The following RASA1 variants were observed in gnomAD, a reference collection of about 807,000 sequenced individuals.
The protein encoded by RASA1 is RAS p21 protein activator 1.
Under a neutral mutation model 132.2 loss-of-function variants are expected in RASA1, and 25 were observed. The observed-to-expected ratio is 0.19, with a 90% CI of 0.14 to 0.26. RASA1 has a LOEUF of 0.26. Among genes scored for constraint, RASA1 ranks in the 10% least tolerant of loss-of-function variants. RASA1 has a pLI of 1.00. For missense variants in RASA1, 964 were observed against 1,299.2 expected (o/e 0.74, Z 3.97); for synonymous variants, 477 against 449.9 (o/e 1.06, Z -0.76).
intron 1 of RASA1, among the ~76,000 whole-genome samples, chr5:87,291,761 C>T (rs1432217782): frequency 6.6e-6 from 1 of 152,156 alleles, no homozygotes; most frequent in African/African-American, 2.4e-5. Context: ...TCCCGCTTTG[C>T]CTTCCACCAT....
chr5:87,333,391 G>A (rs1398102385), intron 4 of RASA1, 54 bp downstream of exon 4: 5 of 1,601,848 alleles, frequency 3.1e-6, no homozygotes, highest in Non-Finnish European at 4.3e-6. Flanking sequence ...AGACTTCGAA[G>A]ATTTATTACT....
chr5:87,342,465 T>TAAA (rs1758542701), intron 6 of RASA1, among the ~76,000 whole-genome samples: 1 of 152,166 alleles, frequency 6.6e-6, no homozygotes, highest in Non-Finnish European at 1.5e-5. Flanking sequence ...AGCTAGGAGT[T>TAAA]GCAAATTCTA....
intron 10 of RASA1, among the ~76,000 whole-genome samples, chr5:87,363,037 G>A (rs368686106): frequency 6.6e-6 from 1 of 151,632 alleles, no homozygotes; most frequent in African/African-American, 2.4e-5. Context: ...TAAAGTGGAA[G>A]AATTTTTTCC....
intron 1 of RASA1, among the ~76,000 whole-genome samples, chr5:87,273,992 G>A (rs575125532): frequency 6.6e-6 from 1 of 152,020 alleles, no homozygotes; most frequent in Non-Finnish European, 1.5e-5. Context: ...GCCACCTCGC[G>A]GCCAATAGGA....
intron 20 of RASA1, 35 bp from the exon 21 acceptor site, chr5:87,383,678 T>TAAA (rs368117332): frequency 1.2e-4 from 157 of 1,318,918 alleles, no homozygotes; most frequent in Non-Finnish European, 1.5e-4. Context: ...AGGTGTTTTC[T>TAAA]AAAAAAAAAA....
intron 4 of RASA1, among the ~76,000 whole-genome samples, chr5:87,336,847 T>C (rs968259702): frequency 6.6e-6 from 1 of 152,074 alleles, no homozygotes; most frequent in Admixed American, 6.5e-5. Context: ...TGGCCATCAT[T>C]AAGAAGGATT....
In RASA1 at chr5:87,384,817, CAAAAT is replaced by C. The variant is rs1451728648; in HGVS notation, c.2759-480_2759-476del. ...TTATTAAATTTCATGTTTTTCTCCT[CAAAAT>C]AAAGCAGAGGTCCTAGACTTTATCT... On this transcript the variant is annotated intron_variant, in intron 21 of 24. Coordinates refer to ENST00000274376, the MANE Select transcript of RASA1 (RefSeq NM_002890.3). 2.0e-5 allele frequency among the ~76,000 whole-genome samples: 3 copies of C among 152,050 alleles called. No individual in the cohort carries two copies. In the East Asian group the frequency reaches 5.8e-4, roughly 29 times the overall value.
chr5:87,323,134 A>T (rs767877514), intron 1 of RASA1, among the ~76,000 whole-genome samples: 7 of 152,224 alleles, frequency 4.6e-5, no homozygotes, highest in African/African-American at 4.8e-5. Flanking sequence ...GAATAAATAC[A>T]GAAATGGAAA....
intron 1 of RASA1, among the ~76,000 whole-genome samples, chr5:87,314,215 A>G (rs1037720977): frequency 3.3e-5 from 5 of 152,144 alleles, no homozygotes; most frequent in African/African-American, 7.2e-5. Context: ...AAGAAAGTGC[A>G]TGTTTGGTTT....
intron 1 of RASA1, among the ~76,000 whole-genome samples, chr5:87,322,356 C>T (rs755226371): frequency 1.3e-5 from 2 of 152,158 alleles, no homozygotes; most frequent in African/African-American, 2.4e-5. Context: ...GAACTCCTCA[C>T]GTGAGGGATA....
intron 1 of RASA1, among the ~76,000 whole-genome samples, chr5:87,270,809 A>G (rs746558258): frequency 6.6e-6 from 1 of 152,000 alleles, no homozygotes. Context: ...AAAGTTAGTC[A>G]TATTTATGCC....
chr5:87,344,585 C>T (rs1388993267), intron 6 of RASA1, among the ~76,000 whole-genome samples: 1 of 152,022 alleles, frequency 6.6e-6, no homozygotes, highest in Non-Finnish European at 1.5e-5. Flanking sequence ...TCATAGTTCA[C>T]CTCAAACTCC....
intron 17 of RASA1, 101 bp from the exon 18 acceptor site, chr5:87,378,294 GT>G (rs1761460224): frequency 7.4e-7 from 1 of 1,357,362 alleles, no homozygotes. Flanking sequence ...GCACATTTAA[GT>G]GGCTATTCCT....
intron 4 of RASA1, among the ~76,000 whole-genome samples, chr5:87,335,987 T>G (rs1052321831): frequency 2.6e-5 from 4 of 152,156 alleles, no homozygotes; most frequent in African/African-American, 9.7e-5. Flanking sequence ...TCATAGAATA[T>G]CTATAATTAT....
chr5:87,281,280 T>C (rs2112245847), intron 1 of RASA1, among the ~76,000 whole-genome samples: 1 of 151,794 alleles, frequency 6.6e-6, no homozygotes, highest in South Asian at 2.1e-4. Flanking sequence ...TTCGCTCTTG[T>C]TGCCCAGGCT....
chr5:87,313,255 T>A (rs1470226035), intron 1 of RASA1, among the ~76,000 whole-genome samples: 1 of 152,192 alleles, frequency 6.6e-6, no homozygotes, highest in Non-Finnish European at 1.5e-5. Context: ...CTTTAGCTAA[T>A]CTAATATCTT....
At chr5:87,342,528 GTA>G (rs1406943407) in intron 6 of RASA1, among the ~76,000 whole-genome samples, 1 of 152,154 alleles carries the variant, frequency 6.6e-6, no homozygotes, top group Non-Finnish European at 1.5e-5. Flanking sequence ...AGCGGGTCAA[GTA>G]TATATATTCC....
chr5:87,302,500 T>G (rs1755410702), intron 1 of RASA1, among the ~76,000 whole-genome samples: 1 of 151,798 alleles, frequency 6.6e-6, no homozygotes, highest in Non-Finnish European at 1.5e-5. Flanking sequence ...TTCGCACTGT[T>G]GTTTTTTTAA....
chr5:87,280,021 G>T (rs922537216), intron 1 of RASA1, among the ~76,000 whole-genome samples: 2 of 152,238 alleles, frequency 1.3e-5, no homozygotes, highest in African/African-American at 2.4e-5. Context: ...GGAGTTTGAT[G>T]CCTGAGGGCA....
Sources: gnomAD v4.1 joint callset for allele counts (sites outside exome capture counted in the v4.1 genomes callset) on GRCh38, gnomAD v4.1.1 for gene constraint, MANE v1.5 for transcripts, NCBI Gene and HGNC (gene_info 2026-07-23, HGNC 2026-07-21) for gene names.